The following ASNS variants were observed in gnomAD, a reference collection of about 807,000 sequenced individuals.
The protein encoded by ASNS is asparagine synthetase (glutamine-hydrolyzing).
Under a neutral mutation model 62.6 loss-of-function variants are expected in ASNS, and 37 were observed. The ratio of observed to expected loss-of-function variants is 0.59; its 90% confidence interval spans 0.45 to 0.78. ASNS has a LOEUF of 0.78. ASNS is among the 30% of genes least tolerant of loss of function. The probability of loss-of-function intolerance (pLI) is 0.00; values close to 1 mark genes in which losing one functional copy is unlikely to be tolerated. For synonymous variants in ASNS, 207 were observed against 237.9 expected, an observed-to-expected ratio of 0.87 and a Z score of 1.19; for missense variants, 520 against 682.4, an observed-to-expected ratio of 0.76 and a Z score of 2.65.
chr7:97,896,733 C>CATATATATATATATATAT, the ASNS span, among the ~76,000 whole-genome samples: 1 of 26,254 alleles, frequency 3.8e-5, no homozygotes, highest in African/African-American at 9.0e-5. Flanking sequence ...CACACACACA[C>CATATATATATATATATAT]ACACACACAT....
intron 8 of ASNS, among the ~76,000 whole-genome samples, chr7:97,856,064 A>G (rs1369680874): frequency 1.3e-5 from 2 of 152,156 alleles, no homozygotes; most frequent in Non-Finnish European, 2.9e-5. Context: ...CCAATACCAG[A>G]GCTATCCTGT....
rs1335991893 is a variant in ASNS, at chr7:97,853,120, A to G, written c.1416T>C (p.Asp472=). Residue 472 remains aspartate (D), a synonymous_variant, in exon 12 of 13, where the codon GAT becomes GAC. Coordinates refer to ENST00000394308, the MANE Select transcript of ASNS (RefSeq NM_001673.5). ...ILWRPKEAFS[D]GITSVKNSWF... ...AGGAATTCTTAACTGAAGTTATTCC[A>G]TCACTGAAGGCTTCTTTTGGTCGCC... The G allele has an allele frequency of 1.2e-6, 2 of 1,609,902 alleles. No individual in the cohort carries two copies. Among genetic ancestry groups the G allele is most frequent in the Non-Finnish European group, 1.7e-6 (2 of 1,178,786 alleles).
chr7:97,914,914 G>A, the ASNS span, among the ~76,000 whole-genome samples: 4 of 152,246 alleles, frequency 2.6e-5, no homozygotes, highest in Admixed American at 1.3e-4. Flanking sequence ...AAGCAATCTC[G>A]AACACAGAAA....
the ASNS span, among the ~76,000 whole-genome samples, chr7:97,896,619 CATATATATATGTATAT>C: frequency 8.0e-6 from 1 of 125,478 alleles, no homozygotes; most frequent in Admixed American, 9.5e-5. Flanking sequence ...AAAAAAACCA[CATATATATATGTATAT>C]ATATATATAT....
chr7:97,885,195 C>A, the ASNS span, among the ~76,000 whole-genome samples: 41 of 152,356 alleles, frequency 2.7e-4, no homozygotes, highest in African/African-American at 9.1e-4. Flanking sequence ...TCTCATAGTT[C>A]ATCCGTGTTG....
intron 3 of ASNS, 98 bp from the exon 4 acceptor site, chr7:97,864,594 TC>T (rs1372089934): frequency 2.4e-6 from 2 of 831,926 alleles, no homozygotes; most frequent in Non-Finnish European, 4.0e-6. Flanking sequence ...AGCTCTATAA[TC>T]CTTTCATGCA....
At chr7:97,892,474 TTG>T in the ASNS span, among the ~76,000 whole-genome samples, 1 of 152,156 alleles carries the variant, frequency 6.6e-6, no homozygotes, top group Non-Finnish European at 1.5e-5. Context: ...TTCTTTTCTA[TTG>T]CATTGTCAGG....
At chr7:97,908,292 A>T in the ASNS span, 1 of 152,254 alleles carries the variant, frequency 6.6e-6, no homozygotes, top group Non-Finnish European at 1.5e-5. Context: ...CAGGAAGTTC[A>T]TGACCAATCG....
chr7:97,871,146 T>G (rs573929653), intron 1 of ASNS, among the ~76,000 whole-genome samples: 2 of 152,340 alleles, frequency 1.3e-5, no homozygotes, highest in South Asian at 4.1e-4. Flanking sequence ...ACTCAGTATG[T>G]CCCAAATAGT....
At chr7:97,888,221 G>A in the ASNS span, among the ~76,000 whole-genome samples, 2 of 152,006 alleles carry the variant, frequency 1.3e-5, no homozygotes, top group Non-Finnish European at 2.9e-5. Context: ...CAGTCCTCCT[G>A]CCTCACCCTT....
the ASNS span, among the ~76,000 whole-genome samples, chr7:97,892,759 A>G: frequency 6.6e-6 from 1 of 152,218 alleles, no homozygotes; most frequent in South Asian, 2.1e-4. Context: ...CCTCATTTCC[A>G]TCTGAGACAA....
At chr7:97,887,555 G>A in the ASNS span, among the ~76,000 whole-genome samples, 9 of 152,304 alleles carry the variant, frequency 5.9e-5, no homozygotes, top group East Asian at 1.7e-3. Context: ...CTTGGAAAGT[G>A]TGCATTCAAT....
chr7:97,910,256 T>C, the ASNS span, among the ~76,000 whole-genome samples: 5 of 152,272 alleles, frequency 3.3e-5, no homozygotes, highest in East Asian at 7.7e-4. Flanking sequence ...AGGAACTGGT[T>C]TATTTAATAA....
At chr7:97,892,796 T>C in the ASNS span, among the ~76,000 whole-genome samples, 1 of 152,240 alleles carries the variant, frequency 6.6e-6, no homozygotes, top group Admixed American at 6.5e-5. Flanking sequence ...ATTGTCCATA[T>C]AACCATCAGC....
In ASNS at chr7:97,852,915, T is replaced by G. The variant is rs748766758; in HGVS notation, c.1476+145A>C. The G allele has an allele frequency of 7.1e-6, 5 of 704,368 alleles. No individual in the cohort carries two copies. The African/African-American group carries it at 9.1e-5, about 13-fold the overall frequency. 43.6% of individuals were successfully genotyped at this position (704,368 alleles called of 1,614,324 possible). ...ATAGGGACATCCTATCAGAGAGATA[T>G]CTGATGTATGTATCATTCAAACTAA... On this transcript the variant is annotated intron_variant, in intron 12 of 12. Coordinates refer to ENST00000394308, the MANE Select transcript of ASNS (RefSeq NM_001673.5).
the ASNS span, among the ~76,000 whole-genome samples, chr7:97,917,285 G>A: frequency 2.7e-4 from 40 of 150,608 alleles, no homozygotes; most frequent in African/African-American, 9.5e-4. Flanking sequence ...TATTTTACCT[G>A]GCAAGCCTAA....
the ASNS span, chr7:97,908,647 C>T: frequency 6.6e-6 from 1 of 152,140 alleles, no homozygotes; most frequent in African/African-American, 2.4e-5. Flanking sequence ...AATGATCCAC[C>T]CGCCTTGGCC....
the ASNS span, among the ~76,000 whole-genome samples, chr7:97,902,366 T>C: frequency 6.6e-6 from 1 of 152,132 alleles, no homozygotes; most frequent in African/African-American, 2.4e-5. Flanking sequence ...ATTGAATTAT[T>C]ACTTAAAGAA....
At position 97,852,033 on chromosome 7, in the gene ASNS, TC is replaced by T; in HGVS notation, c.*225del. On this transcript the variant is annotated 3_prime_UTR_variant, in exon 13 of 13. Transcript: ENST00000394308. ...GCAGACATCTGATCATTTTCCCTTT[TC>T]CTAGCTTACCCTCCACTTTACTGTG... The T allele has an allele frequency of 3.7e-6, 2 of 541,664 alleles. No homozygotes were observed. The highest frequency in any genetic ancestry group is 6.5e-6 in the Non-Finnish European group (2 of 306,228). The allele number at this position is 541,664 out of a possible 1,614,324, so 33.6% of individuals were successfully genotyped here.
Sources: gnomAD v4.1 joint callset for allele counts (sites outside exome capture counted in the v4.1 genomes callset) on GRCh38, gnomAD v4.1.1 for gene constraint, MANE v1.5 for transcripts, NCBI Gene and HGNC (gene_info 2026-07-23, HGNC 2026-07-21) for gene names.